Variants in ADARB2 observed in about 807,000 individuals in gnomAD.
The protein encoded by ADARB2 is adenosine deaminase RNA specific B2 (inactive), also known as inactive double-stranded RNA-specific editase B2.
Under a neutral mutation model 62.2 loss-of-function variants are expected in ADARB2, and 25 were observed. That is an observed-to-expected ratio of 0.40 (90% CI 0.29 to 0.56). ADARB2 has a LOEUF of 0.56. Among genes scored for constraint, ADARB2 ranks in the 20% least tolerant of loss-of-function variants. The probability of loss-of-function intolerance (pLI) is 0.43; values close to 1 mark genes in which losing one functional copy is unlikely to be tolerated. For missense variants in ADARB2, 1,071 were observed against 1,077.4 expected, an observed-to-expected ratio of 0.99 and a Z score of 0.08; for synonymous variants, 572 against 500.8, an observed-to-expected ratio of 1.14 and a Z score of -1.90.
intron 1 of ADARB2, among the ~76,000 whole-genome samples, chr10:1,537,955 T>G (rs981538417): frequency 3.9e-5 from 6 of 152,234 alleles, no homozygotes; most frequent in Middle Eastern, 3.2e-3. Flanking sequence ...GTTCTGCACA[T>G]GTATCCTGGA....
intron 1 of ADARB2, among the ~76,000 whole-genome samples, chr10:1,658,174 GTCTC>G (rs1310938110): frequency 2.7e-5 from 4 of 149,104 alleles, no homozygotes; most frequent in Non-Finnish European, 4.5e-5. Flanking sequence ...CTCTCTCTGT[GTCTC>G]TCTATCTCTA....
At chr10:1,599,561 T>C (rs1833381162) in intron 1 of ADARB2, among the ~76,000 whole-genome samples, 1 of 152,168 alleles carries the variant, frequency 6.6e-6, no homozygotes, top group African/African-American at 2.4e-5. Context: ...AATATTTTAA[T>C]ACACATTCAT....
intron 1 of ADARB2, among the ~76,000 whole-genome samples, chr10:1,728,689 C>T (rs1164214042): frequency 6.6e-6 from 1 of 152,190 alleles, no homozygotes; most frequent in African/African-American, 2.4e-5. Flanking sequence ...ATTTGTTATA[C>T]TTAAAAACAA....
chr10:1,373,346 A>G (rs553133845), intron 2 of ADARB2, among the ~76,000 whole-genome samples: 29 of 151,488 alleles, frequency 1.9e-4, no homozygotes, highest in Admixed American at 3.3e-4. Flanking sequence ...ACACACACAC[A>G]CGCGCGTCTT....
chr10:1,355,133 T>C (rs75457279), intron 3 of ADARB2, among the ~76,000 whole-genome samples: 9,981 of 152,320 alleles, frequency 0.066, 358 homozygotes, highest in African/African-American at 0.1. Flanking sequence ...AGTCGGGCTC[T>C]GCAGTCTTTC....
At chr10:1,503,919 G>T (rs189695588) in intron 1 of ADARB2, among the ~76,000 whole-genome samples, 1 of 152,216 alleles carries the variant, frequency 6.6e-6, no homozygotes, top group East Asian at 1.9e-4. Context: ...CACGCTTCTT[G>T]TACAGCCTGC....
chr10:1,242,037 G>C (rs1830929320), intron 5 of ADARB2, 94 bp downstream of exon 5: 4 of 1,325,500 alleles, frequency 3.0e-6, no homozygotes, highest in South Asian at 1.4e-5. Context: ...ATAGAGGGAA[G>C]CGTGTTCTGA....
At position 1,431,421 on chromosome 10, in the gene ADARB2, C is replaced by T. The variant is rs192071628; in HGVS notation, c.101-52261G>A. Among the ~76,000 whole-genome samples the T allele has an allele frequency of 2.7e-3, 417 of 152,176 alleles. 2 individuals are homozygous for T. The highest frequency in any genetic ancestry group is 9.6e-3 in the African/African-American group (398 of 41,516). On this transcript the variant is annotated intron_variant, in intron 1 of 9. Transcript: ENST00000381312. The stretch of plus-strand genomic sequence containing the variant: ...AAATACAAAAGCCACAGTGTTAAGA[C>T]GCAGCTAAAGCAGTACTGAGAGGGA...
chr10:1,597,510 GA>G (rs1355889941), intron 1 of ADARB2, among the ~76,000 whole-genome samples: 1 of 152,120 alleles, frequency 6.6e-6, no homozygotes, highest in Non-Finnish European at 1.5e-5. Context: ...AGAAACATAT[GA>G]AAAAATGCTT....
chr10:1,737,330 A>C lies in ADARB2; in HGVS notation c.-180T>G. 6.5e-6 allele frequency: 4 copies of C among 616,284 alleles called. No individual in the cohort carries two copies. The highest frequency in any genetic ancestry group is 4.4e-4 in the Middle Eastern group (1 of 2,256). 38.2% of individuals were successfully genotyped at this position (616,284 alleles called of 1,614,324 possible). On this transcript the variant is annotated 5_prime_UTR_variant, in exon 1 of 10. Coordinates refer to ENST00000381312, the MANE Select transcript of ADARB2 (RefSeq NM_018702.4). ...CTCTCTGTCTCTCGAATTGTTCTCTATGACTTGCTCCCACTGGGCTGGGGG... is the reference window on the plus strand; with the variant it reads ...CTCTCTGTCTCTCGAATTGTTCTCTCTGACTTGCTCCCACTGGGCTGGGGG...
intron 1 of ADARB2, among the ~76,000 whole-genome samples, chr10:1,390,237 C>T (rs1243373934): frequency 6.6e-6 from 1 of 152,204 alleles, no homozygotes; most frequent in Non-Finnish European, 1.5e-5. Context: ...GTTCCATTTA[C>T]ATAAAGTTCC....
intron 1 of ADARB2, among the ~76,000 whole-genome samples, chr10:1,710,334 TG>T (rs1397160576): frequency 6.6e-6 from 1 of 152,222 alleles, no homozygotes; most frequent in Non-Finnish European, 1.5e-5. Flanking sequence ...AATCAGAGGC[TG>T]GGGCCTTGTG....
intron 1 of ADARB2, among the ~76,000 whole-genome samples, chr10:1,721,330 T>G (rs142510635): frequency 6.6e-6 from 1 of 152,374 alleles, no homozygotes; most frequent in Non-Finnish European, 1.5e-5. Flanking sequence ...CAAACGAATG[T>G]TGACGTTGAC....
chr10:1,306,141 A>G (rs1455809496), intron 3 of ADARB2, among the ~76,000 whole-genome samples: 1 of 150,316 alleles, frequency 6.7e-6, no homozygotes, highest in African/African-American at 2.4e-5. Flanking sequence ...AGATGACATG[A>G]TTGTATATCT....
At chr10:1,413,198 G>A (rs992242821) in intron 1 of ADARB2, among the ~76,000 whole-genome samples, 1 of 152,136 alleles carries the variant, frequency 6.6e-6, no homozygotes, top group Non-Finnish European at 1.5e-5. Flanking sequence ...TGTATGGTGA[G>A]GGCGCAGGGC....
At chr10:1,555,265 G>A (rs1435138592) in intron 1 of ADARB2, among the ~76,000 whole-genome samples, 4 of 152,184 alleles carry the variant, frequency 2.6e-5, no homozygotes, top group African/African-American at 4.8e-5. Flanking sequence ...AATGGCAGTT[G>A]TCTTAAGTTC....
intron 1 of ADARB2, among the ~76,000 whole-genome samples, chr10:1,411,272 G>A (rs542711177): frequency 1.3e-5 from 2 of 152,326 alleles, no homozygotes; most frequent in African/African-American, 4.8e-5. Context: ...AGGTGCGTCC[G>A]TGAGGCTGCG....
chr10:1,382,979 C>A (rs567387178), intron 1 of ADARB2, among the ~76,000 whole-genome samples: 17 of 152,182 alleles, frequency 1.1e-4, no homozygotes, highest in African/African-American at 3.6e-4. Context: ...GGCCTGGGGC[C>A]GGCCCTGGTC....
chr10:1,218,862 G>T lies in ADARB2; in HGVS notation c.1514-1743C>A, dbSNP rs150129559. On this transcript the variant is annotated intron_variant, in intron 6 of 9. Transcript: ENST00000381312. ...GATTGAGATCATCTTGGCTAACACA[G>T]TGAAACCCCATCTCTACTAAAAATA... Among the ~76,000 whole-genome samples the T allele has an allele frequency of 2.4e-3, 365 of 151,660 alleles. 1 individual carries two copies. The highest frequency in any genetic ancestry group is 8.4e-3 in the African/African-American group (348 of 41,254).
Sources: allele counts gnomAD v4.1 joint callset (sites outside exome capture counted in the v4.1 genomes callset), GRCh38; gene constraint gnomAD v4.1.1; transcripts MANE v1.5; gene names NCBI Gene and HGNC (gene_info 2026-07-23, HGNC 2026-07-21).